Variants in MTF1 observed in about 807,000 individuals in gnomAD.
The protein encoded by MTF1 is metal regulatory transcription factor 1.
Under a neutral mutation model 70.4 loss-of-function variants are expected in MTF1, and 22 were observed. That is an observed-to-expected ratio of 0.31 (90% CI 0.22 to 0.45). MTF1 has a LOEUF of 0.45. Among genes scored for constraint, MTF1 ranks in the 20% least tolerant of loss-of-function variants. MTF1 has a pLI of 1.00. For missense variants in MTF1, 649 were observed against 922.0 expected (o/e 0.70, Z 3.83); for synonymous variants, 333 against 352.8 (o/e 0.94, Z 0.63).
At chr1:37,847,261 T>C (rs190120003) in intron 2 of MTF1, among the ~76,000 whole-genome samples, 17 of 152,218 alleles carry the variant, frequency 1.1e-4, no homozygotes, top group African/African-American at 3.9e-4. Context: ...GCAAAAGTGG[T>C]GTGTGATGGT....
intron 7 of MTF1, among the ~76,000 whole-genome samples, chr1:37,826,850 G>A (rs1403685940): frequency 2.6e-5 from 4 of 152,048 alleles, no homozygotes; most frequent in Non-Finnish European, 5.9e-5. Flanking sequence ...ATGGTGGTGC[G>A]TGCTTCAAAT....
At chr1:37,823,564 G>T in intron 8 of MTF1, 146 bp downstream of exon 8, 1 of 533,750 alleles carries the variant, frequency 1.9e-6, no homozygotes, top group Non-Finnish European at 3.3e-6. Context: ...TAGGGGAAAA[G>T]ATGGAATTAA....
chr1:37,842,182 C>CA (rs1641264518), intron 2 of MTF1, among the ~76,000 whole-genome samples: 1 of 152,050 alleles, frequency 6.6e-6, no homozygotes, highest in Non-Finnish European at 1.5e-5. Context: ...TGGGAAGATC[C>CA]ACTTGAGTCT....
Position 37,838,730 on chromosome 1 carries a change from G to A in MTF1, c.674C>T (p.Thr225Ile). ...YRLKAHQRLH[T>I]GKTFNCESEG... The stretch of plus-strand genomic sequence containing the variant: ...AGATTCACAGTTAAACGTTTTCCCT[G>A]TGTGAAGCCTCTGATGTGCTTTCAG... Residue 225 changes from threonine to isoleucine, a missense_variant, in exon 4 of 11, where the codon ACA (threonine) becomes ATA (isoleucine). Physicochemically the swap from Thr to Ile is moderately conservative, Grantham distance 89 (BLOSUM62 -1). Coordinates refer to ENST00000373036, the MANE Select transcript of MTF1 (RefSeq NM_005955.3). The A allele has an allele frequency of 6.3e-7, 1 of 1,595,574 alleles. No individual in the cohort carries two copies. The highest frequency in any genetic ancestry group is 8.6e-7 in the Non-Finnish European group (1 of 1,169,318).
chr1:37,834,583 CTA>C (rs1406063936), intron 6 of MTF1: 1 of 454,514 alleles, frequency 2.2e-6, no homozygotes, highest in Non-Finnish European at 4.4e-6. Flanking sequence ...GTAGGACAGT[CTA>C]TTGTGGAGTG....
intron 7 of MTF1, among the ~76,000 whole-genome samples, chr1:37,831,856 AG>A (rs1641091963): frequency 1.3e-5 from 2 of 152,242 alleles, no homozygotes; most frequent in African/African-American, 4.8e-5. Flanking sequence ...ATAGGATTTG[AG>A]AAAGTCCAGA....
At chr1:37,842,067 A>T (rs72917972) in intron 2 of MTF1, among the ~76,000 whole-genome samples, 2,164 of 152,194 alleles carry the variant, frequency 0.014, 50 homozygotes, top group African/African-American at 0.05. Flanking sequence ...AAAACTAGAT[A>T]AACAATAATA....
rs760126684 is a variant in MTF1, at chr1:37,815,233, G to C, written c.2165C>G (p.Ser722Cys). Residue 722 changes from serine (S) to cysteine (C), a missense_variant, in exon 11 of 11, where the codon TCC (serine) becomes TGC (cysteine). Ser to Cys is a moderately radical substitution (Grantham distance 112). Transcript: ENST00000373036. The surrounding 1 kb of genome is among the most constrained non-coding windows in gnomAD (Gnocchi z 4.5). ...LSAMDVSEFL[S>C]LQSLDTPSNL... ...GGACGGGGTGTCCAGGCTCTGGAGGGATAGAAACTCTGACACATCCATGGC... is the reference window on the plus strand; with the variant it reads ...GGACGGGGTGTCCAGGCTCTGGAGGCATAGAAACTCTGACACATCCATGGC... 4.3e-6 allele frequency: 7 copies of C among 1,614,042 alleles called. No homozygotes were observed. The highest frequency in any genetic ancestry group is 5.9e-6 in the Non-Finnish European group (7 of 1,180,028).
rs1641148651 is a variant in MTF1 at position 37,835,221 on chromosome 1, A to C, written c.854-6T>G. On this transcript the variant is annotated splice_polypyrimidine_tract_variant and splice_region_variant and intron_variant, in intron 5 of 10. Transcript: ENST00000373036. The stretch of plus-strand genomic sequence containing the variant: ...GCAGAAGAAGGGTCTTTCACCTGCA[A>C]GAATAACAAAGTAGTGTTAATTTAC... The C allele has an allele frequency of 6.2e-7, 1 of 1,612,148 alleles. No individual in the cohort carries two copies. The highest frequency in any genetic ancestry group is 8.5e-7 in the Non-Finnish European group (1 of 1,178,252).
rs1418643506 is a variant in MTF1, at chr1:37,815,476, G to C, written c.1922C>G (p.Ser641Cys). 1 of 1,597,748 alleles carries C rather than the reference G, an allele frequency of 6.3e-7. No homozygotes were observed. Among genetic ancestry groups the C allele is most frequent in the Non-Finnish European group, 8.5e-7 (1 of 1,171,798 alleles). The change falls in exon 11 of 11, where the codon TCT (serine) becomes TGT (cysteine). Residue 641 changes from serine (S) to cysteine (C), a missense_variant. Ser to Cys is a moderately radical substitution (Grantham distance 112). This residue lies in a region of MTF1 where 39 missense variants were observed against 97.8 expected (regional missense o/e 0.40). Transcript: ENST00000373036. The surrounding 1 kb of genome is among the most constrained non-coding windows in gnomAD (Gnocchi z 4.5). ...ACQCQCACRDSAKERASSRRK... is the reference protein window; with the variant it reads ...ACQCQCACRDCAKERASSRRK... ...CCTGCTGGATGCCCGCTCCTTTGCA[G>C]AGTCCCGGCATGCACACTGACACTG... is the stretch of plus-strand genomic sequence containing the variant.
chr1:37,835,361 C>T lies in MTF1; in HGVS notation c.854-146G>A, dbSNP rs914922785. On this transcript the variant is annotated intron_variant, in intron 5 of 10. Transcript: ENST00000373036. The stretch of plus-strand genomic sequence containing the variant: ...AAAGTTCAATAAATTACACATTAAT[C>T]ATCTCAGTCCTCAAACTCAATGCTG... The T allele has an allele frequency of 3.8e-5, 26 of 692,376 alleles. 1 individual carries two copies. The highest frequency in any genetic ancestry group is 5.7e-5 in the Non-Finnish European group (23 of 404,192). 42.9% of individuals were successfully genotyped at this position (692,376 alleles called of 1,614,324 possible).
At chr1:37,828,649 G>C (rs988262410) in intron 7 of MTF1, among the ~76,000 whole-genome samples, 1 of 152,172 alleles carries the variant, frequency 6.6e-6, no homozygotes, top group Non-Finnish European at 1.5e-5. Context: ...TGGGTGTGAC[G>C]AATTGTGATG....
At chr1:37,827,983 C>A (rs1281590952) in intron 7 of MTF1, among the ~76,000 whole-genome samples, 1 of 152,040 alleles carries the variant, frequency 6.6e-6, no homozygotes, top group Non-Finnish European at 1.5e-5. Flanking sequence ...AAAGGCCCAA[C>A]AGGAGAAAGA....
chr1:37,858,127 T>G (rs985255786), intron 1 of MTF1, among the ~76,000 whole-genome samples: 1 of 152,026 alleles, frequency 6.6e-6, no homozygotes, highest in Admixed American at 6.5e-5. Flanking sequence ...GGTCAAAATA[T>G]TTAAAGGGGA....
intron 7 of MTF1, among the ~76,000 whole-genome samples, chr1:37,825,134 C>A (rs1331029181): frequency 6.6e-6 from 1 of 152,160 alleles, no homozygotes; most frequent in Non-Finnish European, 1.5e-5. Context: ...TGGGTTGTGG[C>A]ATACTGGAGA....
intron 9 of MTF1, among the ~76,000 whole-genome samples, chr1:37,818,060 G>A (rs1640846475): frequency 1.3e-5 from 2 of 152,122 alleles, no homozygotes; most frequent in South Asian, 4.1e-4. Context: ...GTTGGTGTTG[G>A]GCATGTGATT....
At chr1:37,836,702 T>C (rs1051925088) in intron 4 of MTF1, among the ~76,000 whole-genome samples, 12 of 152,336 alleles carry the variant, frequency 7.9e-5, no homozygotes, top group African/African-American at 2.4e-4. Context: ...CTGTAGTTCC[T>C]GCACATAGCA....
chr1:37,815,507 C>A lies in MTF1; in HGVS notation c.1891G>T (p.Ala631Ser). 6.4e-7 allele frequency: 1 copy of A among 1,554,218 alleles called. No homozygotes were observed. Among genetic ancestry groups the A allele is most frequent in the South Asian group, 1.2e-5 (1 of 80,332 alleles). ...CGGCATGCACACTGACACTGACATG[C>A]CTCTTCTTGTTTGATGATGATCACA... ...VPVIIIKQEE[A>S]CQCQCACRDS... is the part of the protein sequence containing the mutation. The change falls in exon 11 of 11, where the codon GCA (alanine) becomes TCA (serine). Residue 631 changes from alanine (A) to serine (S), a missense_variant. Transcript: ENST00000373036. This position sits in a 1 kb window ranked among gnomAD's most constrained non-coding sequence, Gnocchi z 4.5.
intron 3 of MTF1, among the ~76,000 whole-genome samples, chr1:37,839,639 G>C (rs1641225683): frequency 6.6e-6 from 1 of 152,206 alleles, no homozygotes; most frequent in Non-Finnish European, 1.5e-5. Context: ...GCCCAGGCCA[G>C]AATGCTGCTC....
Sources: allele counts gnomAD v4.1 joint callset (sites outside exome capture counted in the v4.1 genomes callset), GRCh38; gene constraint gnomAD v4.1.1; regional missense constraint gnomAD v4.1.1; non-coding constraint Gnocchi (gnomAD v3.1); transcripts MANE v1.5; gene names NCBI Gene and HGNC (gene_info 2026-07-23, HGNC 2026-07-21).